SMG6: variants seen among roughly 807,000 people sequenced by gnomAD.
The protein encoded by SMG6 is SMG6 nonsense mediated mRNA decay factor.
A neutral mutation model predicts 142.2 loss-of-function variants in SMG6; 66 were observed. The ratio of observed to expected loss-of-function variants is 0.46; its 90% CI spans 0.38 to 0.57. The LOEUF (loss-of-function observed/expected upper bound fraction) is 0.57, where lower values mean the gene tolerates loss of function less well. Ranked by LOEUF, SMG6 falls within the 20% of genes least tolerant of loss-of-function variation. The pLI is 0.00. For missense variants in SMG6, 1,793 were observed against 1,832.0 expected, an observed-to-expected ratio of 0.98 and a Z score of 0.39; for synonymous variants, 779 against 702.4, an observed-to-expected ratio of 1.11 and a Z score of -1.72.
At chr17:2,230,825 A>G (rs2073469393) in intron 10 of SMG6, among the ~76,000 whole-genome samples, 1 of 152,162 alleles carries the variant, frequency 6.6e-6, no homozygotes, top group Non-Finnish European at 1.5e-5. Flanking sequence ...ATCTACTTCT[A>G]CTTTGAATCT....
chr17:2,247,509 C>T (rs1463328258), intron 8 of SMG6, among the ~76,000 whole-genome samples: 2 of 152,088 alleles, frequency 1.3e-5, no homozygotes, highest in East Asian at 1.9e-4. Context: ...CTTGTACAGC[C>T]GGGTGCAGTG....
At chr17:2,191,859 C>T (rs767355970) in intron 10 of SMG6, among the ~76,000 whole-genome samples, 7 of 152,166 alleles carry the variant, frequency 4.6e-5, no homozygotes, top group African/African-American at 1.7e-4. Flanking sequence ...GGAAATGGAG[C>T]GGCCGGGAGA....
intron 13 of SMG6, among the ~76,000 whole-genome samples, chr17:2,160,881 AT>A (rs1442041876): frequency 1.3e-5 from 2 of 152,036 alleles, no homozygotes; most frequent in African/African-American, 4.8e-5. Context: ...AAAAATATAT[AT>A]TCTTTTACAT....
intron 12 of SMG6, chr17:2,173,250 T>G: frequency 4.0e-6 from 1 of 251,784 alleles, no homozygotes; most frequent in South Asian, 5.4e-5. Flanking sequence ...GCCAAGTACA[T>G]GCCACACAGA....
chr17:2,286,157 T>A (rs1215142547), intron 6 of SMG6, among the ~76,000 whole-genome samples: 1 of 152,170 alleles, frequency 6.6e-6, no homozygotes, highest in African/African-American at 2.4e-5. Context: ...CCTGTGTTCA[T>A]GAATTAGAAG....
intron 18 of SMG6, among the ~76,000 whole-genome samples, chr17:2,064,514 A>G (rs2067879941): frequency 6.6e-6 from 1 of 152,226 alleles, no homozygotes; most frequent in African/African-American, 2.4e-5. Context: ...GCCAGCCTTC[A>G]AAGTGCTACA....
chr17:2,185,459 T>G (rs927108867), intron 12 of SMG6, among the ~76,000 whole-genome samples: 3 of 151,734 alleles, frequency 2.0e-5, no homozygotes, highest in Non-Finnish European at 4.4e-5. Flanking sequence ...AACTTAGAAA[T>G]AGTTAAGATG....
At chr17:2,292,193 A>C (rs553066228) in intron 6 of SMG6, among the ~76,000 whole-genome samples, 5 of 152,364 alleles carry the variant, frequency 3.3e-5, no homozygotes, top group African/African-American at 1.2e-4. Flanking sequence ...GGAGAGAAGT[A>C]AGCCTTATTT....
chr17:2,065,213 G>C, intron 17 of SMG6, 59 bp from the exon 18 acceptor site: 1 of 1,413,506 alleles, frequency 7.1e-7, no homozygotes, highest in South Asian at 1.2e-5. Context: ...ATGTGGAGGA[G>C]GAGGAGGGAT....
intron 13 of SMG6, among the ~76,000 whole-genome samples, chr17:2,157,994 T>C (rs1317810210): frequency 6.6e-6 from 1 of 152,194 alleles, no homozygotes; most frequent in East Asian, 1.9e-4. Context: ...ACATAAATGT[T>C]TGAGTAATTC....
intron 10 of SMG6, among the ~76,000 whole-genome samples, chr17:2,219,223 A>G (rs1397783316): frequency 6.6e-6 from 1 of 151,934 alleles, no homozygotes. Flanking sequence ...CATCTCTGCT[A>G]AAAATCCAAA....
Position 2,299,220 on chromosome 17 carries a change from G to C in SMG6, c.1533C>G (p.Pro511=), listed in dbSNP as rs530483807. ...FQNSDNPYYY[P]RTPGPASQYP... is the part of the protein sequence containing the mutation. Reference sequence around the variant, plus strand: ...ACTGGGAGGCAGGGCCTGGTGTCCGGGGGTAATAATAGGGGTTGTCAGAGT... The same window carrying C: ...ACTGGGAGGCAGGGCCTGGTGTCCGCGGGTAATAATAGGGGTTGTCAGAGT... The change falls in exon 2 of 19, where the codon CCC becomes CCG. Residue 511 remains proline, a synonymous_variant. Coordinates refer to ENST00000263073, the MANE Select transcript of SMG6 (RefSeq NM_017575.5). The surrounding 1 kb of genome is among the most constrained non-coding windows in gnomAD (Gnocchi z 4.3). 106 of 1,613,910 alleles carry C rather than the reference G, an allele frequency of 6.6e-5. No homozygotes were observed. In the East Asian group the frequency reaches 2.2e-3, roughly 34 times the overall value.
intron 10 of SMG6, among the ~76,000 whole-genome samples, chr17:2,196,977 T>C (rs1279535877): frequency 6.6e-6 from 1 of 152,144 alleles, no homozygotes; most frequent in Non-Finnish European, 1.5e-5. Flanking sequence ...TTCACACTTA[T>C]ACAAAAATTA....
At chr17:2,274,263 G>A (rs1258799209) in intron 8 of SMG6, among the ~76,000 whole-genome samples, 1 of 152,170 alleles carries the variant, frequency 6.6e-6, no homozygotes, top group African/African-American at 2.4e-5. Context: ...TACACAATCA[G>A]AGAAAGTAAC....
At chr17:2,145,760 C>T (rs1387279655) in intron 13 of SMG6, among the ~76,000 whole-genome samples, 2 of 151,662 alleles carry the variant, frequency 1.3e-5, no homozygotes, top group Non-Finnish European at 2.9e-5. Context: ...AAACAAGAAG[C>T]CACAGAGAGG....
intron 8 of SMG6, among the ~76,000 whole-genome samples, chr17:2,267,377 AG>A (rs1258420668): frequency 6.6e-6 from 1 of 151,302 alleles, no homozygotes; most frequent in Non-Finnish European, 1.5e-5. Context: ...TTTTTTTAGT[AG>A]AGACAGGGTA....
chr17:2,236,548 C>T lies in SMG6; in HGVS notation c.2813G>A (p.Arg938His), dbSNP rs368650142. 39 of 1,613,482 alleles carry T rather than the reference C, an allele frequency of 2.4e-5. No individual in the cohort carries two copies. The highest frequency in any genetic ancestry group is 3.3e-4 in the Middle Eastern group (2 of 6,060). The change falls in exon 10 of 19, where the codon CGC becomes CAC. Residue 938 changes from arginine to histidine, a missense_variant. Arg to His is a conservative substitution (Grantham distance 29, BLOSUM62 0). Coordinates refer to ENST00000263073, the MANE Select transcript of SMG6 (RefSeq NM_017575.5). Reference sequence around the variant, plus strand: ...ATTGATGGTCATAAGCTGCAGCATGCGGGTACTTCCAATGGGAGAGGGGCT... The same window carrying T: ...ATTGATGGTCATAAGCTGCAGCATGTGGGTACTTCCAATGGGAGAGGGGCT... ...QHSPSPIGSTRMLQLMTINMF... is the reference protein window; with the variant it reads ...QHSPSPIGSTHMLQLMTINMF...
At chr17:2,298,774 T>C (rs2075201933) in intron 2 of SMG6, 132 bp downstream of exon 2, 4 of 805,284 alleles carry the variant, frequency 5.0e-6, no homozygotes, top group Non-Finnish European at 7.9e-6. Context: ...CCAACTGCCC[T>C]TCCCTTACAA....
chr17:2,267,292 C>T (rs2074441365), intron 8 of SMG6, among the ~76,000 whole-genome samples: 1 of 152,076 alleles, frequency 6.6e-6, no homozygotes, highest in Non-Finnish European at 1.5e-5. Context: ...GCAGCCTCAA[C>T]CTTCCAGACC....
Sources: gnomAD v4.1 joint callset for allele counts (sites outside exome capture counted in the v4.1 genomes callset) on GRCh38, gnomAD v4.1.1 for gene constraint, Gnocchi (gnomAD v3.1) non-coding constraint, MANE v1.5 for transcripts, NCBI Gene and HGNC (gene_info 2026-07-23, HGNC 2026-07-21) for gene names.